The following GRIK2 variants were observed in gnomAD, a reference collection of about 807,000 sequenced individuals.
The protein encoded by GRIK2 is glutamate ionotropic receptor kainate type subunit 2.
In GRIK2, 32 loss-of-function variants were observed where a neutral mutation model predicts 100.3. The observed-to-expected ratio is 0.32, with a 90% CI of 0.24 to 0.43. The LOEUF (loss-of-function observed/expected upper bound fraction) is 0.43, where lower values mean the gene tolerates loss of function less well. Among genes scored for constraint, GRIK2 ranks in the 20% least tolerant of loss-of-function variants. The pLI, the probability that GRIK2 is intolerant of heterozygous loss-of-function variation, is 1.00. For synonymous variants in GRIK2, 417 were observed against 389.4 expected (o/e 1.07, Z -0.83); for missense variants, 843 against 1,114.9 (o/e 0.76, Z 3.47).
At chr6:101,736,609 A>G (rs1489638812) in intron 7 of GRIK2, among the ~76,000 whole-genome samples, 5 of 152,080 alleles carry the variant, frequency 3.3e-5, no homozygotes, top group African/African-American at 2.4e-5. Context: ...GATGCAGGGC[A>G]CAATGTCCCT....
chr6:101,661,929 C>A (rs1769650357), intron 4 of GRIK2, among the ~76,000 whole-genome samples: 1 of 152,138 alleles, frequency 6.6e-6, no homozygotes, highest in African/African-American at 2.4e-5. Context: ...TCCCAGTTAC[C>A]AAAGTGATCT....
At chr6:101,477,050 C>T (rs908615316) in intron 2 of GRIK2, among the ~76,000 whole-genome samples, 8 of 152,110 alleles carry the variant, frequency 5.3e-5, no homozygotes, top group Middle Eastern at 6.8e-3. Context: ...CTCTCTATCG[C>T]CTAAAGTACC....
chr6:101,440,557 G>C (rs1769988901), intron 2 of GRIK2, among the ~76,000 whole-genome samples: 1 of 152,122 alleles, frequency 6.6e-6, no homozygotes, highest in Non-Finnish European at 1.5e-5. Flanking sequence ...ATGCCCAGTT[G>C]GAAGTAACTG....
intron 2 of GRIK2, among the ~76,000 whole-genome samples, chr6:101,478,682 A>ATT (rs541493553): frequency 6.8e-6 from 1 of 146,264 alleles, no homozygotes; most frequent in Admixed American, 6.8e-5. Context: ...CCTGGCTAAT[A>ATT]TTTTTTTTTT....
intron 12 of GRIK2, among the ~76,000 whole-genome samples, chr6:101,897,551 A>G (rs1787551452): frequency 1.3e-5 from 2 of 151,850 alleles, no homozygotes; most frequent in Admixed American, 1.3e-4. Context: ...AGGTCTTCTC[A>G]ATCTGAAACA....
chr6:101,623,888 A>C (rs1327459273), intron 3 of GRIK2, among the ~76,000 whole-genome samples: 1 of 152,114 alleles, frequency 6.6e-6, no homozygotes, highest in Admixed American at 6.6e-5. Context: ...TGGAGGACAC[A>C]GCAATACATA....
chr6:101,975,625 A>G (rs925849484), intron 14 of GRIK2, among the ~76,000 whole-genome samples: 4 of 151,936 alleles, frequency 2.6e-5, no homozygotes, highest in Admixed American at 1.3e-4. Context: ...GGAAATAGAA[A>G]CAGCATGTGT....
At chr6:101,952,933 A>G (rs540465069) in intron 14 of GRIK2, among the ~76,000 whole-genome samples, 15 of 152,310 alleles carry the variant, frequency 9.8e-5, no homozygotes, top group Admixed American at 2.6e-4. Flanking sequence ...ATTAACAATC[A>G]TTCCCCATTT....
chr6:101,917,706 A>C (rs548540365), intron 12 of GRIK2, among the ~76,000 whole-genome samples: 2 of 151,560 alleles, frequency 1.3e-5, no homozygotes, highest in East Asian at 3.9e-4. Context: ...AATAGTAATC[A>C]TCCTTCAAAA....
chr6:101,812,485 CTGTTCAATAAATATTATTATTTA>C (rs1781393029), intron 9 of GRIK2, among the ~76,000 whole-genome samples: 1 of 151,654 alleles, frequency 6.6e-6, no homozygotes, highest in South Asian at 2.1e-4. Context: ...ACATTTATTT[CTGTTCAATAAATATTATTATTTA>C]TGTTCAATAA....
At chr6:101,608,132 T>C (rs1224347852) in intron 2 of GRIK2, among the ~76,000 whole-genome samples, 1 of 151,832 alleles carries the variant, frequency 6.6e-6, no homozygotes, top group African/African-American at 2.4e-5. Flanking sequence ...GTATAAAAAA[T>C]GAAGTGATTT....
intron 7 of GRIK2, among the ~76,000 whole-genome samples, chr6:101,760,164 C>A (rs930164249): frequency 6.9e-6 from 1 of 145,712 alleles, no homozygotes; most frequent in East Asian, 2.0e-4. Flanking sequence ...CCACCGCGCC[C>A]GGCCAGCATT....
intron 2 of GRIK2, among the ~76,000 whole-genome samples, chr6:101,448,801 G>C (rs1406806204): frequency 6.6e-6 from 1 of 151,516 alleles, no homozygotes; most frequent in Non-Finnish European, 1.5e-5. Flanking sequence ...TAGAACTAAA[G>C]TCCATAGCTT....
intron 12 of GRIK2, among the ~76,000 whole-genome samples, chr6:101,913,167 A>T (rs2518279): frequency 0.84 from 127,350 of 151,510 alleles, 53,606 homozygotes; most frequent in East Asian, 0.94. Flanking sequence ...AAAATTTACT[A>T]GCTATCAATA....
At chr6:101,475,009 T>C (rs982669780) in intron 2 of GRIK2, among the ~76,000 whole-genome samples, 4 of 151,842 alleles carry the variant, frequency 2.6e-5, no homozygotes, top group African/African-American at 9.7e-5. Context: ...AGTGCTTCAT[T>C]ACATGGATCA....
At chr6:101,795,100 C>T (rs1462146929) in intron 7 of GRIK2, among the ~76,000 whole-genome samples, 2 of 152,060 alleles carry the variant, frequency 1.3e-5, no homozygotes, top group African/African-American at 2.4e-5. Flanking sequence ...CTCCTGACTT[C>T]AGGTGATCCA....
intron 14 of GRIK2, among the ~76,000 whole-genome samples, chr6:101,973,841 G>A (rs1486955045): frequency 6.6e-6 from 1 of 151,836 alleles, no homozygotes. Context: ...GCATTGTATA[G>A]CACATCTGAT....
Position 101,413,003 on chromosome 6 carries a change from C to T in GRIK2, c.115+13611C>T, listed in dbSNP as rs187299175. On this transcript the variant is annotated intron_variant, in intron 2 of 16. Coordinates refer to ENST00000369134, the MANE Select transcript of GRIK2 (RefSeq NM_021956.5). ...TTCCCAAGGTTCTTTGAATTTCATA[C>T]ATGTTTTAATTCCTGGCAGGTAGCC... is the stretch of plus-strand genomic sequence containing the variant. Among the ~76,000 whole-genome samples the T allele has an allele frequency of 3.9e-5, 6 of 152,088 alleles. No homozygotes were observed. The East Asian group carries it at 1.2e-3, about 29-fold the overall frequency.
At chr6:101,403,752 T>G (rs1775451661) in intron 2 of GRIK2, among the ~76,000 whole-genome samples, 2 of 152,144 alleles carry the variant, frequency 1.3e-5, no homozygotes, top group African/African-American at 4.8e-5. Context: ...GCCTTACATC[T>G]GGAAGCAGGA....
Sources: allele counts gnomAD v4.1 joint callset (sites outside exome capture counted in the v4.1 genomes callset), GRCh38; gene constraint gnomAD v4.1.1; transcripts MANE v1.5; gene names NCBI Gene and HGNC (gene_info 2026-07-23, HGNC 2026-07-21).